Variants in METTL21A observed in about 807,000 individuals in gnomAD.
METTL21A encodes the protein methyltransferase 21A, HSPA lysine, also known as protein N-lysine methyltransferase METTL21A.
Under a neutral mutation model 20.9 loss-of-function variants are expected in METTL21A, and 22 were observed. The ratio of observed to expected loss-of-function variants is 1.05; its 90% CI spans 0.75 to 1.50. METTL21A has a LOEUF of 1.50. METTL21A is among the 40% of genes most tolerant of loss of function. METTL21A has a pLI of 0.00. For missense variants in METTL21A, 271 were observed against 266.8 expected, an observed-to-expected ratio of 1.02 and a Z score of -0.11; for synonymous variants, 93 against 102.0, an observed-to-expected ratio of 0.91 and a Z score of 0.53.
At chr2:207,623,766 T>C (rs1559133675) in intron 2 of METTL21A, among the ~76,000 whole-genome samples, 1 of 152,116 alleles carries the variant, frequency 6.6e-6, no homozygotes, top group Non-Finnish European at 1.5e-5. Flanking sequence ...GGTGGGAGAA[T>C]CACTTGAACC....
chr2:207,613,012 A>G, exon 4 of METTL21A: 1 of 1,519,968 alleles, frequency 6.6e-7, no homozygotes, highest in Non-Finnish European at 8.8e-7. Context: ...TAAGTGACAC[A>G]CTCAATGACA....
downstream of METTL21A, among the ~76,000 whole-genome samples, chr2:207,608,251 A>T (rs998362143): frequency 1.3e-5 from 2 of 152,100 alleles, no homozygotes; most frequent in Non-Finnish European, 2.9e-5. Context: ...CTTCTTTCCA[A>T]GATCAGAATA....
intron 3 of METTL21A, chr2:207,601,807 G>C (rs747762267): frequency 4.6e-6 from 1 of 219,056 alleles, no homozygotes; most frequent in Non-Finnish European, 9.2e-6. Context: ...TAGGTGAAGA[G>C]TTGTGAGATA....
chr2:207,586,988 T>C (rs910843714), intron 3 of METTL21A, among the ~76,000 whole-genome samples: 1 of 152,176 alleles, frequency 6.6e-6, no homozygotes, highest in Non-Finnish European at 1.5e-5. Context: ...TAAACACTGA[T>C]GATGCAGAGA....
At chr2:207,613,091 T>C (rs759252100) in exon 4 of METTL21A, 6 of 1,594,718 alleles carry the variant, frequency 3.8e-6, no homozygotes, top group Non-Finnish European at 5.1e-6. Flanking sequence ...CGTAAATATG[T>C]ACATCTTTTT....
chr2:207,588,103 AAG>A (rs1177838813), intron 3 of METTL21A, among the ~76,000 whole-genome samples: 2 of 149,064 alleles, frequency 1.3e-5, no homozygotes, highest in Admixed American at 1.4e-4. Flanking sequence ...AAAAGGAAAA[AAG>A]AATTCTTTGC....
chr2:207,600,811 C>T (rs1298964501), intron 3 of METTL21A: 3 of 209,002 alleles, frequency 1.4e-5, no homozygotes, highest in African/African-American at 2.3e-5. Flanking sequence ...CAAATCCCTA[C>T]TATCATTTCT....
chr2:207,595,718 C>T (rs952205778), intron 3 of METTL21A, among the ~76,000 whole-genome samples: 1 of 152,136 alleles, frequency 6.6e-6, no homozygotes, highest in Non-Finnish European at 1.5e-5. Flanking sequence ...GCATGTGCCA[C>T]CACACTTGGC....
intron 3 of METTL21A, chr2:207,598,591 A>C (rs2086555149): frequency 5.7e-6 from 1 of 174,078 alleles, no homozygotes; most frequent in South Asian, 2.0e-4. Context: ...TCACGCCTGT[A>C]ATCCCAGCAC....
At chr2:207,616,395 T>TA (rs1244030729) in intron 3 of METTL21A, among the ~76,000 whole-genome samples, 1 of 152,252 alleles carries the variant, frequency 6.6e-6, no homozygotes, top group African/African-American at 2.4e-5. Flanking sequence ...ACCTGGTAGG[T>TA]ATTCCAGAAG....
Position 207,593,239 on chromosome 2 carries a change from A to G in METTL21A, c.260-11079T>C, listed in dbSNP as rs1405085848. Reference sequence around the variant, plus strand: ...CATGTTAGTCATACTTAAAATTTGTATCAAGGCTGGGTGCGGTGGCTCATG... The same window carrying G: ...CATGTTAGTCATACTTAAAATTTGTGTCAAGGCTGGGTGCGGTGGCTCATG... On this transcript the variant is annotated intron_variant, in intron 3 of 3. Transcript: ENST00000425132. Among the ~76,000 whole-genome samples the G allele has an allele frequency of 3.9e-5, 6 of 152,084 alleles. No homozygotes were observed. The South Asian group carries it at 8.3e-4, about 21-fold the overall frequency.
downstream of METTL21A, among the ~76,000 whole-genome samples, chr2:207,606,820 T>C (rs1390922369): frequency 2.0e-5 from 3 of 152,178 alleles, no homozygotes; most frequent in Non-Finnish European, 4.4e-5. Flanking sequence ...TTATTTTTGT[T>C]CATTTTTAAA....
At chr2:207,598,637 A>G (rs2086564251) in intron 3 of METTL21A, 1 of 168,046 alleles carries the variant, frequency 6.0e-6, no homozygotes, top group Admixed American at 6.4e-5. Flanking sequence ...ACCTGTGGTC[A>G]AGAGTTCAAG....
chr2:207,581,658 TC>T (rs1035628741), downstream of METTL21A: 109 of 469,376 alleles, frequency 2.3e-4, no homozygotes, highest in African/African-American at 2.1e-3. Flanking sequence ...AATACAGAGT[TC>T]CGGATACCCT....
At chr2:207,582,011 C>G (rs1015134519) in exon 4 of METTL21A, 6 of 698,618 alleles carry the variant, frequency 8.6e-6, no homozygotes, top group Non-Finnish European at 1.6e-5. Flanking sequence ...GTGCCTTTCT[C>G]ATAACATCAC....
At chr2:207,596,523 TC>T (rs1333752625) in intron 3 of METTL21A, among the ~76,000 whole-genome samples, 2 of 151,450 alleles carry the variant, frequency 1.3e-5, no homozygotes, top group Non-Finnish European at 2.9e-5. Flanking sequence ...AGCCTCTGCC[TC>T]CCAGGTTCAA....
At chr2:207,604,333 AAACTT>A (rs138273242), downstream of METTL21A, among the ~76,000 whole-genome samples, 12 of 152,352 alleles carry the variant, frequency 7.9e-5, no homozygotes, top group East Asian at 1.9e-4. Context: ...GGCCCAAGAC[AAACTT>A]AACTTCTCCC....
chr2:207,599,015 AG>A (rs1179752827), intron 3 of METTL21A: 1 of 185,774 alleles, frequency 5.4e-6, no homozygotes, highest in Non-Finnish European at 1.1e-5. Context: ...TTTTAAAATA[AG>A]ATTTTAATTA....
chr2:207,617,771 G>A (rs760479473), intron 3 of METTL21A, among the ~76,000 whole-genome samples: 7 of 152,160 alleles, frequency 4.6e-5, no homozygotes, highest in Non-Finnish European at 1.0e-4. Context: ...CATGCAGGCA[G>A]GTGACAGATG....
Sources: allele counts gnomAD v4.1 joint callset (sites outside exome capture counted in the v4.1 genomes callset), GRCh38; gene constraint gnomAD v4.1.1; transcripts MANE v1.5; gene names NCBI Gene and HGNC (gene_info 2026-07-23, HGNC 2026-07-21).